The following CDH13 variants were observed in gnomAD, a reference collection of about 807,000 sequenced individuals.
The protein encoded by CDH13 is cadherin 13.
CDH13 carries 24 observed loss-of-function variants against 63.8 expected under a neutral mutation model. The observed-to-expected ratio is 0.38, with a 90% CI of 0.27 to 0.53. The LOEUF is 0.53. Among genes scored for constraint, CDH13 ranks in the 20% least tolerant of loss-of-function variants. The probability of loss-of-function intolerance (pLI) is 0.85; values close to 1 mark genes in which losing one functional copy is unlikely to be tolerated. For missense variants in CDH13, 1,049 were observed against 903.1 expected, an observed-to-expected ratio of 1.16 and a Z score of -2.07; for synonymous variants, 503 against 355.3, an observed-to-expected ratio of 1.42 and a Z score of -4.67.
chr16:83,054,163 G>A (rs954207606), intron 3 of CDH13, among the ~76,000 whole-genome samples: 1 of 152,162 alleles, frequency 6.6e-6, no homozygotes, highest in African/African-American at 2.4e-5. Flanking sequence ...AGTGCACTGT[G>A]TATTGTTTGC....
At chr16:83,675,550 T>C (rs180752853) in intron 9 of CDH13, among the ~76,000 whole-genome samples, 3 of 152,308 alleles carry the variant, frequency 2.0e-5, no homozygotes, top group East Asian at 3.9e-4. Context: ...CTCTTCTTCC[T>C]CACCATCTTA....
intron 7 of CDH13, among the ~76,000 whole-genome samples, chr16:83,499,099 T>G (rs1038884162): frequency 7.2e-5 from 11 of 152,250 alleles, no homozygotes; most frequent in African/African-American, 1.4e-4. Context: ...TTTTGTTGGA[T>G]CTTTGTTTAA....
chr16:83,325,624 G>A (rs187069852), intron 5 of CDH13, among the ~76,000 whole-genome samples: 2 of 152,174 alleles, frequency 1.3e-5, no homozygotes. Flanking sequence ...GCCTCGATGT[G>A]GCCTGTTAAC....
intron 2 of CDH13, among the ~76,000 whole-genome samples, chr16:82,957,919 T>A (rs551087516): frequency 6.6e-6 from 1 of 152,206 alleles, no homozygotes; most frequent in South Asian, 2.1e-4. Flanking sequence ...ATTTTGCCAG[T>A]GTTTATTTCT....
At chr16:83,338,011 G>C (rs946018408) in intron 5 of CDH13, among the ~76,000 whole-genome samples, 4 of 151,972 alleles carry the variant, frequency 2.6e-5, no homozygotes, top group Non-Finnish European at 5.9e-5. Flanking sequence ...GTTACAGTCG[G>C]ACCTAAGTTT....
chr16:82,698,780 GA>G (rs1269857081), intron 1 of CDH13, among the ~76,000 whole-genome samples: 1 of 152,170 alleles, frequency 6.6e-6, no homozygotes, highest in Non-Finnish European at 1.5e-5. Flanking sequence ...GGAAGCCAAA[GA>G]AATAGCTAGT....
intron 13 of CDH13, among the ~76,000 whole-genome samples, chr16:83,792,202 C>A (rs1031893897): frequency 6.6e-6 from 1 of 152,252 alleles, no homozygotes; most frequent in African/African-American, 2.4e-5. Flanking sequence ...TCATGCTTTG[C>A]AGAGGAGCTG....
At chr16:83,412,794 C>A (rs1313255122) in intron 6 of CDH13, among the ~76,000 whole-genome samples, 1 of 152,198 alleles carries the variant, frequency 6.6e-6, no homozygotes, top group African/African-American at 2.4e-5. Context: ...ATAAGCCATG[C>A]ATTTACGATT....
chr16:83,247,641 G>A (rs1018631021), intron 5 of CDH13, among the ~76,000 whole-genome samples: 1 of 152,044 alleles, frequency 6.6e-6, no homozygotes, highest in African/African-American at 2.4e-5. Flanking sequence ...TGAAGCCTGA[G>A]GGAAAATGAG....
rs1053781605 is a variant in CDH13, at chr16:83,084,384, G to C, written c.367-41001G>C. Among the ~76,000 whole-genome samples the C allele has an allele frequency of 2.0e-4, 30 of 152,280 alleles. 1 individual carries two copies. Among genetic ancestry groups the C allele is most frequent in the African/African-American group, 6.7e-4 (28 of 41,564 alleles). On this transcript the variant is annotated intron_variant, in intron 3 of 13. Coordinates refer to ENST00000567109, the MANE Select transcript of CDH13 (RefSeq NM_001257.5). ...GTCCAGAAGTATTCATCTTCTCTTT[G>C]TGGTTTAAATGCCCTGGGCAGCTGA...
chr16:83,486,446 C>A, intron 6 of CDH13, 31 bp from the exon 7 acceptor site: 3 of 1,593,520 alleles, frequency 1.9e-6, no homozygotes, highest in Non-Finnish European at 2.6e-6. Flanking sequence ...CATTGATAAC[C>A]ATTCCGTGCC....
At chr16:82,649,884 T>C (rs7184391) in intron 1 of CDH13, among the ~76,000 whole-genome samples, 70,118 of 151,938 alleles carry the variant, frequency 0.46, 17,052 homozygotes, top group African/African-American at 0.63. Flanking sequence ...AGTAATAAGC[T>C]CTATATCCTG....
chr16:82,834,792 C>G (rs899745373), intron 1 of CDH13, among the ~76,000 whole-genome samples: 8 of 152,218 alleles, frequency 5.3e-5, no homozygotes, highest in African/African-American at 9.6e-5. Flanking sequence ...AAACTCTGAT[C>G]TGAGGGCCAA....
At chr16:83,437,131 T>G (rs2072328949) in intron 6 of CDH13, among the ~76,000 whole-genome samples, 1 of 152,080 alleles carries the variant, frequency 6.6e-6, no homozygotes, top group African/African-American at 2.4e-5. Flanking sequence ...GATTCTGACA[T>G]CAGCCTCCCA....
At chr16:83,252,138 G>GTATA (rs59872467) in intron 5 of CDH13, among the ~76,000 whole-genome samples, 25,643 of 120,898 alleles carry the variant, frequency 0.21, 2,886 homozygotes, top group East Asian at 0.62. Context: ...ACATATATAT[G>GTATA]TATATATATA....
chr16:82,915,357 T>G (rs2041954089), intron 2 of CDH13, among the ~76,000 whole-genome samples: 1 of 152,204 alleles, frequency 6.6e-6, no homozygotes, highest in Admixed American at 6.5e-5. Context: ...AGGCTTCTAT[T>G]TTTGAACTTG....
At chr16:83,480,289 C>G (rs1326347901) in intron 6 of CDH13, among the ~76,000 whole-genome samples, 2 of 152,168 alleles carry the variant, frequency 1.3e-5, no homozygotes, top group Non-Finnish European at 2.9e-5. Context: ...GCGCTCCAAC[C>G]TAGGTGACAG....
At chr16:83,331,883 C>T (rs550859654) in intron 5 of CDH13, among the ~76,000 whole-genome samples, 1 of 152,126 alleles carries the variant, frequency 6.6e-6, no homozygotes, top group South Asian at 2.1e-4. Flanking sequence ...GTAGTTTTTT[C>T]TATCTTTAAG....
chr16:83,662,062 G>C (rs1214070087), intron 8 of CDH13, among the ~76,000 whole-genome samples: 1 of 152,202 alleles, frequency 6.6e-6, no homozygotes, highest in African/African-American at 2.4e-5. Context: ...GGACATCAGT[G>C]AGGGGGACAT....
Sources: gnomAD v4.1 joint callset for allele counts (sites outside exome capture counted in the v4.1 genomes callset) on GRCh38, gnomAD v4.1.1 for gene constraint, MANE v1.5 for transcripts, NCBI Gene and HGNC (gene_info 2026-07-23, HGNC 2026-07-21) for gene names.